Variants in EEF2K observed in about 807,000 individuals in gnomAD.
EEF2K encodes alternative protein EEF2K.
In EEF2K, 70 loss-of-function variants were observed where a neutral mutation model predicts 93.8. The observed-to-expected ratio is 0.75, with a 90% CI of 0.62 to 0.91. The LOEUF is 0.91. Among genes scored for constraint, EEF2K ranks in the 40% least tolerant of loss-of-function variants. EEF2K has a pLI of 0.00. For synonymous variants in EEF2K, 376 were observed against 380.8 expected (o/e 0.99, Z 0.15); for missense variants, 935 against 972.9 (o/e 0.96, Z 0.52).
intron 5 of EEF2K, 101 bp from the exon 6 acceptor site, chr16:22,251,050 C>T: frequency 6.9e-7 from 1 of 1,452,174 alleles, no homozygotes; most frequent in South Asian, 1.3e-5. Flanking sequence ...TGCCAGCCAC[C>T]CAGCCACATC....
At chr16:22,240,222 C>T (rs2141662125) in intron 2 of EEF2K, among the ~76,000 whole-genome samples, 1 of 151,660 alleles carries the variant, frequency 6.6e-6, no homozygotes, top group East Asian at 1.9e-4. Flanking sequence ...TGAAGTCTAA[C>T]AGTGGAGAGC....
chr16:22,243,864 A>G (rs1173092559), intron 2 of EEF2K, among the ~76,000 whole-genome samples: 1 of 146,218 alleles, frequency 6.8e-6, no homozygotes, highest in African/African-American at 2.5e-5. Context: ...CAGAGGTTGC[A>G]GTGAGCCGAG....
intron 10 of EEF2K, 191 bp downstream of exon 10, chr16:22,258,886 CT>C: frequency 1.6e-6 from 1 of 632,352 alleles, no homozygotes; most frequent in Middle Eastern, 4.4e-4. Flanking sequence ...AAAACAACCC[CT>C]ATTGTAGGAA....
chr16:22,221,379 C>T (rs1252658812), intron 1 of EEF2K, among the ~76,000 whole-genome samples: 7 of 151,856 alleles, frequency 4.6e-5, no homozygotes, highest in African/African-American at 7.3e-5. Context: ...GAGGCTGAGG[C>T]GGGAGGATCA....
At position 22,286,814 on chromosome 16, in the gene EEF2K, T is replaced by TA. The variant is rs2047757830; in HGVS notation, c.*2819dup. The TA allele has an allele frequency of 6.6e-6, 1 of 152,232 alleles. No homozygotes were observed. The highest frequency in any genetic ancestry group is 2.4e-5 in the African/African-American group (1 of 41,452). 9.4% of individuals were successfully genotyped at this position (152,232 alleles called of 1,614,324 possible). ...GTGTGAACAGATGGAGAGCCAGCCC[T>TA]AGTCAGTGCACTCACCCTTTGAGGC... On this transcript the variant is annotated 3_prime_UTR_variant, in exon 18 of 18. Transcript: ENST00000263026.
At position 22,260,506 on chromosome 16, in the gene EEF2K, C is replaced by T; in HGVS notation, c.1276C>T (p.His426Tyr). ...SDLDNMASRD[H>Y]DHLDNHRESE... The stretch of plus-strand genomic sequence containing the variant: ...CCTCGATAACATGGCATCCAGAGAC[C>T]ATGATCATCTAGACAACCACCGGGT... Residue 426 changes from histidine to tyrosine, a missense_variant, in exon 11 of 18, where the codon CAT (histidine) becomes TAT (tyrosine). Coordinates refer to ENST00000263026, the MANE Select transcript of EEF2K (RefSeq NM_013302.5). The T allele has an allele frequency of 2.5e-6, 4 of 1,614,068 alleles. No individual in the cohort carries two copies. Among genetic ancestry groups the T allele is most frequent in the Non-Finnish European group, 3.4e-6 (4 of 1,179,998 alleles).
intron 2 of EEF2K, among the ~76,000 whole-genome samples, chr16:22,241,927 G>A (rs887101662): frequency 1.3e-5 from 2 of 151,824 alleles, no homozygotes; most frequent in African/African-American, 4.8e-5. Flanking sequence ...CCAGGAGTTC[G>A]AGACCAGCCT....
intron 6 of EEF2K, among the ~76,000 whole-genome samples, chr16:22,253,896 C>T (rs1016091783): frequency 5.9e-5 from 9 of 151,530 alleles, no homozygotes; most frequent in Non-Finnish European, 1.0e-4. Flanking sequence ...GTCAGGAGTT[C>T]GAGACCAGCC....
intron 6 of EEF2K, among the ~76,000 whole-genome samples, chr16:22,255,677 T>C (rs2047391526): frequency 6.6e-6 from 1 of 152,072 alleles, no homozygotes; most frequent in African/African-American, 2.4e-5. Context: ...GACAAGAGGA[T>C]TGCTTGAGGC....
At position 22,273,754 on chromosome 16, in the gene EEF2K, C is replaced by T; in HGVS notation, c.1889+4C>T. 6.2e-7 allele frequency: 1 copy of T among 1,612,614 alleles called. No homozygotes were observed. Among genetic ancestry groups the T allele is most frequent in the Admixed American group, 1.7e-5 (1 of 59,844 alleles). ...GCCAGAACCTCAGCCCGGACAGGTA[C>T]TGCAGCTGTCACCCAGGAGGAGCTG... On this transcript the variant is annotated splice_donor_region_variant and intron_variant, in intron 16 of 17. Coordinates refer to ENST00000263026, the MANE Select transcript of EEF2K (RefSeq NM_013302.5).
intron 1 of EEF2K, among the ~76,000 whole-genome samples, chr16:22,215,715 A>G (rs1265839086): frequency 6.6e-6 from 1 of 152,126 alleles, no homozygotes; most frequent in Admixed American, 6.6e-5. Flanking sequence ...ACTTGAGGTC[A>G]GGAGTTCAAG....
chr16:22,243,018 A>AT (rs1426678094), intron 2 of EEF2K, among the ~76,000 whole-genome samples: 2 of 151,824 alleles, frequency 1.3e-5, no homozygotes, highest in Non-Finnish European at 2.9e-5. Flanking sequence ...AGCCGTGATC[A>AT]TGCCACTGCA....
chr16:22,208,406 C>T (rs143719891), intron 1 of EEF2K, among the ~76,000 whole-genome samples: 64 of 152,072 alleles, frequency 4.2e-4, no homozygotes, highest in African/African-American at 1.4e-3. Flanking sequence ...GCCTGTAATC[C>T]CAGCTACTCG....
chr16:22,228,138 AT>A (rs1406519795), intron 2 of EEF2K, among the ~76,000 whole-genome samples: 1 of 150,260 alleles, frequency 6.7e-6, no homozygotes, highest in Admixed American at 6.7e-5. Context: ...CTTATGAATC[AT>A]TACTTTTGAA....
In EEF2K at chr16:22,280,181, C is replaced by T. The variant is rs1256951498; in HGVS notation, c.1890-17C>T. 5 of 1,456,482 alleles carry T rather than the reference C, an allele frequency of 3.4e-6. No homozygotes were observed. The highest frequency in any genetic ancestry group is 4.6e-6 in the Non-Finnish European group (5 of 1,097,154). The allele number at this position is 1,456,482 out of a possible 1,614,324, so 90.2% of individuals were successfully genotyped here. ...GCCATGGTAACCTCCACCTTTCCCTCTGTATCTCCTGGCAAGGTGCCAAGA... is the reference window on the plus strand; with the variant it reads ...GCCATGGTAACCTCCACCTTTCCCTTTGTATCTCCTGGCAAGGTGCCAAGA... On this transcript the variant is annotated splice_polypyrimidine_tract_variant and intron_variant, in intron 16 of 17. Coordinates refer to ENST00000263026, the MANE Select transcript of EEF2K (RefSeq NM_013302.5).
rs1020478962 is a variant in EEF2K at position 22,284,141 on chromosome 16, T to A, written c.*145T>A. The stretch of plus-strand genomic sequence containing the variant: ...CAAATTTTATATTTCATTTTTTGAC[T>A]CTTGAAAAATGTCTTTGCTCCTTGG... On this transcript the variant is annotated 3_prime_UTR_variant, in exon 18 of 18. Transcript: ENST00000263026. 1.3e-5 allele frequency: 10 copies of A among 762,486 alleles called. No individual in the cohort carries two copies. The highest frequency in any genetic ancestry group is 1.9e-5 in the Non-Finnish European group (9 of 469,656). 47.2% of individuals were successfully genotyped at this position (762,486 alleles called of 1,614,324 possible). A position where few individuals can be genotyped will look rare whatever the true frequency, so the allele number is the denominator to read the frequency against.
At chr16:22,241,074 G>A (rs2047217743) in intron 2 of EEF2K, among the ~76,000 whole-genome samples, 1 of 151,928 alleles carries the variant, frequency 6.6e-6, no homozygotes, top group Admixed American at 6.6e-5. Flanking sequence ...GGCCTAAACT[G>A]CTCTTAAATA....
chr16:22,280,515 T>C (rs1857599117), intron 17 of EEF2K, 139 bp downstream of exon 17: 19 of 1,033,526 alleles, frequency 1.8e-5, no homozygotes, highest in Non-Finnish European at 2.4e-5. Flanking sequence ...GGAGCTAGTA[T>C]GAAGATGAAC....
chr16:22,268,572 T>G (rs966159314), intron 15 of EEF2K, among the ~76,000 whole-genome samples: 2 of 152,080 alleles, frequency 1.3e-5, no homozygotes, highest in Non-Finnish European at 2.9e-5. Context: ...GTTCAAGCGA[T>G]CCTCCTGCCT....
Sources: allele counts gnomAD v4.1 joint callset (sites outside exome capture counted in the v4.1 genomes callset), GRCh38; gene constraint gnomAD v4.1.1; transcripts MANE v1.5; gene names NCBI Gene and HGNC (gene_info 2026-07-23, HGNC 2026-07-21).